MAPK10: variants seen among roughly 807,000 people sequenced by gnomAD.
MAPK10 encodes the protein JNK3 alpha protein kinase.
Under a neutral mutation model 59.3 loss-of-function variants are expected in MAPK10, and 25 were observed. That is an observed-to-expected ratio of 0.42 (90% CI 0.31 to 0.59). The LOEUF (loss-of-function observed/expected upper bound fraction) is 0.59, where lower values mean the gene tolerates loss of function less well. MAPK10 is among the 20% of genes least tolerant of loss of function. The pLI is 0.15. For missense variants in MAPK10, 351 were observed against 568.9 expected, an observed-to-expected ratio of 0.62 and a Z score of 3.90; for synonymous variants, 190 against 200.5, an observed-to-expected ratio of 0.95 and a Z score of 0.44.
At chr4:86,529,291 A>G (rs1291599051) in intron 1 of MAPK10, among the ~76,000 whole-genome samples, 1 of 152,024 alleles carries the variant, frequency 6.6e-6, no homozygotes, top group Non-Finnish European at 1.5e-5. Context: ...TGCCCCCCAC[A>G]CTGCATCAAT....
chr4:86,078,817 C>T (rs185939394), intron 9 of MAPK10, among the ~76,000 whole-genome samples: 2 of 151,996 alleles, frequency 1.3e-5, no homozygotes, highest in East Asian at 3.9e-4. Flanking sequence ...TAGAGAAACC[C>T]CGTCTCTACT....
At chr4:86,334,613 T>C (rs1719934536) in intron 2 of MAPK10, among the ~76,000 whole-genome samples, 1 of 152,108 alleles carries the variant, frequency 6.6e-6, no homozygotes, top group African/African-American at 2.4e-5. Context: ...CCTTCACATA[T>C]GCTGTTTCCT....
intron 8 of MAPK10, 145 bp downstream of exon 8, chr4:86,100,907 A>G (rs2055239421): frequency 3.3e-6 from 2 of 610,050 alleles, no homozygotes; most frequent in Admixed American, 2.9e-5. Context: ...TCTTACCAGT[A>G]GTATTAAAAA....
At chr4:86,529,154 T>C (rs1025034400) in intron 1 of MAPK10, among the ~76,000 whole-genome samples, 1 of 152,232 alleles carries the variant, frequency 6.6e-6, no homozygotes, top group African/African-American at 2.4e-5. Context: ...AACCACTAGT[T>C]TAGCCTATTG....
chr4:86,329,451 T>C (rs2290881), intron 2 of MAPK10, among the ~76,000 whole-genome samples: 35,408 of 152,132 alleles, frequency 0.23, 4,669 homozygotes, highest in South Asian at 0.43. Flanking sequence ...ATTGTGCAGT[T>C]ATATTACAAT....
Position 86,016,551 on chromosome 4 carries a change from C to G in MAPK10, c.*677G>C, listed in dbSNP as rs1475562191. ...TCAAGGGTCTGAGAGAGCTCACTCC[C>G]CCCATATATTCCCCCTTTACATGTT... On this transcript the variant is annotated 3_prime_UTR_variant, in exon 14 of 14. Transcript: ENST00000641462. 1 of 152,686 alleles carries G rather than the reference C, an allele frequency of 6.5e-6. No homozygotes were observed. Among genetic ancestry groups the G allele is most frequent in the Non-Finnish European group, 1.5e-5 (1 of 68,138 alleles). 9.5% of individuals were successfully genotyped at this position (152,686 alleles called of 1,614,324 possible). A position where few individuals can be genotyped will look rare whatever the true frequency, so the allele number is the denominator to read the frequency against.
At chr4:86,432,045 T>C (rs1307178940) in intron 1 of MAPK10, among the ~76,000 whole-genome samples, 2 of 152,056 alleles carry the variant, frequency 1.3e-5, no homozygotes, top group Non-Finnish European at 2.9e-5. Context: ...AGGCAGTGGG[T>C]TGATGTCAAT....
chr4:86,272,831 T>A (rs2094472598), intron 2 of MAPK10, among the ~76,000 whole-genome samples: 1 of 152,082 alleles, frequency 6.6e-6, no homozygotes, highest in African/African-American at 2.4e-5. Context: ...TCACACATCC[T>A]GGAGTCTGCA....
intron 1 of MAPK10, among the ~76,000 whole-genome samples, chr4:86,532,188 T>G (rs1757906259): frequency 6.6e-6 from 1 of 151,640 alleles, no homozygotes; most frequent in Admixed American, 6.6e-5. Context: ...TAATATTTAA[T>G]GAGGAATAAA....
In MAPK10 at chr4:86,017,697, T is replaced by C. The variant is rs1202578478; in HGVS notation, c.1253-327A>G. On this transcript the variant is annotated intron_variant, in intron 13 of 13. Transcript: ENST00000641462. The surrounding 1 kb of genome is among the most constrained non-coding windows in gnomAD (Gnocchi z 4.4). The stretch of plus-strand genomic sequence containing the variant: ...GCATATATTTTAATATAATTGGCCT[T>C]GGGTGAGGCCAAGGTATTTGCATTT... 1.3e-5 allele frequency among the ~76,000 whole-genome samples: 2 copies of C among 152,190 alleles called. No individual in the cohort carries two copies. Among genetic ancestry groups the C allele is most frequent in the Non-Finnish European group, 2.9e-5 (2 of 68,030 alleles).
chr4:86,367,430 C>T (rs1001812342), intron 1 of MAPK10, among the ~76,000 whole-genome samples: 4 of 151,996 alleles, frequency 2.6e-5, no homozygotes, highest in Non-Finnish European at 5.9e-5. Context: ...AAAAACTATT[C>T]CACAGTTCAA....
In MAPK10 at chr4:86,355,590, A is replaced by G. The variant is rs17011819; in HGVS notation, c.-121-946T>C. ...GCAGAAACTGTGTTACAGTTTCCCA[A>G]TTTTTTCTACCATAGCACTTAGCAG... On this transcript the variant is annotated intron_variant, in intron 1 of 13. Coordinates refer to ENST00000641462, the MANE Select transcript of MAPK10 (RefSeq NM_138982.4). Among the ~76,000 whole-genome samples the G allele has an allele frequency of 1.0e-2, 1,514 of 152,144 alleles. 17 individuals carry two copies. Among genetic ancestry groups the G allele is most frequent in the African/African-American group, 0.034 (1,431 of 41,500 alleles).
At chr4:86,374,166 C>T (rs1739385906) in intron 1 of MAPK10, among the ~76,000 whole-genome samples, 1 of 152,034 alleles carries the variant, frequency 6.6e-6, no homozygotes, top group Admixed American at 6.6e-5. Flanking sequence ...AACAGAAAAC[C>T]AAACACCGCA....
chr4:86,547,539 C>G (rs116641192), intron 1 of MAPK10, among the ~76,000 whole-genome samples: 2 of 152,204 alleles, frequency 1.3e-5, no homozygotes, highest in Non-Finnish European at 2.9e-5. Flanking sequence ...GAGCCTCCCC[C>G]GCGCTCCCTG....
In MAPK10 at chr4:86,379,024, G is replaced by A. The variant is rs145379641; in HGVS notation, c.-121-24380C>T. Among the ~76,000 whole-genome samples the A allele has an allele frequency of 9.8e-3, 1,487 of 152,298 alleles. 19 individuals carry two copies. Among genetic ancestry groups the A allele is most frequent in the African/African-American group, 0.034 (1,411 of 41,550 alleles). Reference sequence around the variant, plus strand: ...GAACAGTCTGGTGGGATGAGGTAAGGAAATGTAGGTAAGTATGGTCACAGC... The same window carrying A: ...GAACAGTCTGGTGGGATGAGGTAAGAAAATGTAGGTAAGTATGGTCACAGC... On this transcript the variant is annotated intron_variant, in intron 1 of 13. Coordinates refer to the MAPK10 transcript ENST00000361569.
At chr4:86,220,745 T>C (rs189407868) in intron 2 of MAPK10, among the ~76,000 whole-genome samples, 7 of 152,306 alleles carry the variant, frequency 4.6e-5, no homozygotes, top group Admixed American at 4.6e-4. Flanking sequence ...CAGCCTAATA[T>C]ATTTGTATGG....
At chr4:86,374,635 A>G (rs1295134674) in intron 1 of MAPK10, among the ~76,000 whole-genome samples, 2 of 152,198 alleles carry the variant, frequency 1.3e-5, no homozygotes, top group Non-Finnish European at 2.9e-5. Flanking sequence ...AAAATGTGAC[A>G]TGGCTGTGAA....
At chr4:86,510,811 A>G (rs1475371474) in intron 1 of MAPK10, among the ~76,000 whole-genome samples, 1 of 152,142 alleles carries the variant, frequency 6.6e-6, no homozygotes, top group Non-Finnish European at 1.5e-5. Flanking sequence ...GCACGTTCTC[A>G]TTCATATACG....
intron 1 of MAPK10, among the ~76,000 whole-genome samples, chr4:86,546,442 A>C (rs1759168740): frequency 1.3e-5 from 2 of 151,978 alleles, no homozygotes; most frequent in Non-Finnish European, 2.9e-5. Flanking sequence ...CTGTAATCCC[A>C]ACTACTCAGG....
Sources: allele counts gnomAD v4.1 joint callset (sites outside exome capture counted in the v4.1 genomes callset), GRCh38; gene constraint gnomAD v4.1.1; non-coding constraint Gnocchi (gnomAD v3.1); transcripts MANE v1.5; gene names NCBI Gene and HGNC (gene_info 2026-07-23, HGNC 2026-07-21).